CHRM3: variants seen among roughly 807,000 people sequenced by gnomAD.
The protein encoded by CHRM3 is muscarinic acetylcholine receptor M3.
A neutral mutation model predicts 41.8 loss-of-function variants in CHRM3; 11 were observed. That is an observed-to-expected ratio of 0.26 (90% CI 0.17 to 0.44). The LOEUF is 0.44. Ranked by LOEUF, CHRM3 falls within the 20% of genes least tolerant of loss-of-function variation. CHRM3 has a pLI of 1.00. For synonymous variants in CHRM3, 297 were observed against 301.4 expected (o/e 0.99, Z 0.15); for missense variants, 571 against 745.4 (o/e 0.77, Z 2.72).
chr1:239,754,896 T>C (rs1397793209), intron 5 of CHRM3, among the ~76,000 whole-genome samples: 1 of 152,134 alleles, frequency 6.6e-6, no homozygotes, highest in East Asian at 1.9e-4. Flanking sequence ...TTTGTCTTAT[T>C]GTGGGAAAAA....
intron 6 of CHRM3, among the ~76,000 whole-genome samples, chr1:239,850,666 T>G (rs1272705536): frequency 6.6e-6 from 1 of 152,148 alleles, no homozygotes; most frequent in Non-Finnish European, 1.5e-5. Flanking sequence ...TGGGAGGTAG[T>G]TAGATCATGG....
At chr1:239,455,777 T>C (rs551818771) in intron 1 of CHRM3, among the ~76,000 whole-genome samples, 4 of 152,296 alleles carry the variant, frequency 2.6e-5, no homozygotes, top group African/African-American at 9.6e-5. Flanking sequence ...ATTTTATTAC[T>C]GAAAGAAGAA....
At chr1:239,766,573 A>C (rs1667224437) in intron 5 of CHRM3, among the ~76,000 whole-genome samples, 1 of 152,192 alleles carries the variant, frequency 6.6e-6, no homozygotes, top group Non-Finnish European at 1.5e-5. Context: ...TGGCCATTCA[A>C]AGCTTTTGTG....
chr1:239,769,591 T>G (rs1667493401), intron 5 of CHRM3, among the ~76,000 whole-genome samples: 8 of 152,170 alleles, frequency 5.3e-5, no homozygotes, highest in Admixed American at 5.2e-4. Context: ...TCCATTTTCC[T>G]CCTGTAGGTT....
chr1:239,774,976 T>C (rs1667976824), intron 5 of CHRM3, among the ~76,000 whole-genome samples: 1 of 152,092 alleles, frequency 6.6e-6, no homozygotes, highest in African/African-American at 2.4e-5. Flanking sequence ...TCAAACTCTA[T>C]AGAGAAAAAG....
chr1:239,747,963 A>G (rs2148554167), intron 5 of CHRM3, among the ~76,000 whole-genome samples: 1 of 152,278 alleles, frequency 6.6e-6, no homozygotes, highest in Admixed American at 6.5e-5. Context: ...CTTGAACCCC[A>G]GAGGCAGAAG....
chr1:239,393,615 C>G (rs1283774460), intron 1 of CHRM3, among the ~76,000 whole-genome samples: 1 of 152,216 alleles, frequency 6.6e-6, no homozygotes, highest in Non-Finnish European at 1.5e-5. Flanking sequence ...CCAAACTCTT[C>G]CAGCTTTCCT....
intron 3 of CHRM3, among the ~76,000 whole-genome samples, chr1:239,590,210 G>C (rs141937269): frequency 6.6e-6 from 1 of 152,216 alleles, no homozygotes; most frequent in East Asian, 1.9e-4. Flanking sequence ...TGTGGAGTAA[G>C]TGCTGAATGT....
At chr1:239,587,277 C>A (rs1663522327) in intron 3 of CHRM3, among the ~76,000 whole-genome samples, 1 of 152,182 alleles carries the variant, frequency 6.6e-6, no homozygotes, top group Non-Finnish European at 1.5e-5. Context: ...CTGCTCACTT[C>A]CCATTGAAGG....
At position 239,914,926 on chromosome 1, in the gene CHRM3, T is replaced by C. The variant is rs757114118; in HGVS notation, c.*5702T>C. On this transcript the variant is annotated 3_prime_UTR_variant, in exon 7 of 7. Coordinates refer to ENST00000676153, the MANE Select transcript of CHRM3 (RefSeq NM_001375978.1). ...GCCTCCTACATGTAACACTTCAAAC[T>C]TCCTCTGGGCGTCTGCTTAGAGCTA... 10 of 167,086 alleles carry C rather than the reference T, an allele frequency of 6.0e-5. No individual in the cohort carries two copies. Among genetic ancestry groups the C allele is most frequent in the Non-Finnish European group, 1.5e-4 (10 of 68,120 alleles). The allele number at this position is 167,086 out of a possible 1,614,324, so 10.4% of individuals were successfully genotyped here.
rs891169681 is a variant in CHRM3, at chr1:239,912,275, C to CT, written c.*3052dup. On this transcript the variant is annotated 3_prime_UTR_variant, in exon 7 of 7. Coordinates refer to ENST00000676153, the MANE Select transcript of CHRM3 (RefSeq NM_001375978.1). Reference sequence around the variant, plus strand: ...GAGCTCTCTCTGGTCCCCTAGATCCCTCGGCTCTGCTCTCCTTTGCCCATC... The same window carrying CT: ...GAGCTCTCTCTGGTCCCCTAGATCCCTTCGGCTCTGCTCTCCTTTGCCCATC... 6.0e-6 allele frequency: 1 copy of CT among 167,226 alleles called. No homozygotes were observed. The highest frequency in any genetic ancestry group is 2.4e-5 in the African/African-American group (1 of 41,446). The allele number at this position is 167,226 out of a possible 1,614,324, so 10.4% of individuals were successfully genotyped here. A position where few individuals can be genotyped will look rare whatever the true frequency, so the allele number is the denominator to read the frequency against.
At chr1:239,804,343 T>TC (rs1323714385) in intron 5 of CHRM3, among the ~76,000 whole-genome samples, 1 of 10,932 alleles carries the variant, frequency 9.1e-5, no homozygotes, top group Non-Finnish European at 5.3e-4. Flanking sequence ...ATTCATTGTG[T>TC]TTTTTTTTTA....
At chr1:239,599,230 A>G (rs534945867) in intron 3 of CHRM3, among the ~76,000 whole-genome samples, 111 of 152,296 alleles carry the variant, frequency 7.3e-4, no homozygotes, top group African/African-American at 2.5e-3. Context: ...CATGAAATCC[A>G]CAGGACACTT....
chr1:239,812,908 T>C (rs573190167), intron 5 of CHRM3, among the ~76,000 whole-genome samples: 3 of 152,326 alleles, frequency 2.0e-5, no homozygotes, highest in African/African-American at 4.8e-5. Context: ...CCCTCCAAAA[T>C]GTGCACCCTT....
chr1:239,878,051 C>T (rs893730265), intron 6 of CHRM3, among the ~76,000 whole-genome samples: 35 of 151,842 alleles, frequency 2.3e-4, no homozygotes, highest in Non-Finnish European at 3.1e-4. Context: ...CCACCACACC[C>T]GGCTAATTTT....
chr1:239,462,119 T>C (rs537261724), intron 1 of CHRM3, among the ~76,000 whole-genome samples: 1 of 152,314 alleles, frequency 6.6e-6, no homozygotes, highest in Admixed American at 6.5e-5. Context: ...TAATTTTTTA[T>C]CTTTTTCTCT....
chr1:239,520,898 C>T (rs1669597615), intron 2 of CHRM3, among the ~76,000 whole-genome samples: 1 of 152,052 alleles, frequency 6.6e-6, no homozygotes, highest in Admixed American at 6.6e-5. Context: ...TTAGTACAAA[C>T]TTATGAAGGG....
chr1:239,484,101 G>C (rs757462535), intron 1 of CHRM3, among the ~76,000 whole-genome samples: 1 of 152,134 alleles, frequency 6.6e-6, no homozygotes, highest in South Asian at 2.1e-4. Context: ...GTTCTTTCTT[G>C]TGTTTCTATA....
At chr1:239,522,073 T>C (rs1156274788) in intron 2 of CHRM3, among the ~76,000 whole-genome samples, 5 of 152,168 alleles carry the variant, frequency 3.3e-5, no homozygotes. Flanking sequence ...TACAGGGTGA[T>C]GAAGAAACAC....
Sources: gnomAD v4.1 joint callset for allele counts (sites outside exome capture counted in the v4.1 genomes callset) on GRCh38, gnomAD v4.1.1 for gene constraint, MANE v1.5 for transcripts, NCBI Gene and HGNC (gene_info 2026-07-23, HGNC 2026-07-21) for gene names.